COL16A1: variants seen among roughly 807,000 people sequenced by gnomAD.
COL16A1 encodes collagen alpha-1(XVI) chain.
In COL16A1, 189 loss-of-function variants were observed where a neutral mutation model predicts 266.3. That is an observed-to-expected ratio of 0.71 (90% confidence interval 0.63 to 0.80). COL16A1 has a LOEUF of 0.80. Among genes scored for constraint, COL16A1 ranks in the 30% least tolerant of loss-of-function variants. COL16A1 has a pLI of 0.00. For missense variants in COL16A1, 1,928 were observed against 2,122.4 expected, an observed-to-expected ratio of 0.91 and a Z score of 1.80; for synonymous variants, 740 against 782.3, an observed-to-expected ratio of 0.95 and a Z score of 0.90.
chr1:31,685,763 G>A lies in COL16A1; in HGVS notation c.1892C>T (p.Pro631Leu). The A allele has an allele frequency of 6.2e-7, 1 of 1,613,776 alleles. No homozygotes were observed. The highest frequency in any genetic ancestry group is 8.5e-7 in the Non-Finnish European group (1 of 1,179,938). ...PAGIKGAKGE[P>L]CEPCPALSNL... ...GGACAGGGCTGGGCACGGCTCACAG[G>A]GCTCCCCCTGCCAAGCAAGGACATT... The change falls in exon 29 of 71, where the codon CCC (proline) becomes CTC (leucine). Residue 631 changes from proline to leucine, a missense_variant. Coordinates refer to ENST00000373672, the MANE Select transcript of COL16A1 (RefSeq NM_001856.4). The surrounding 1 kb of genome is among the most constrained non-coding windows in gnomAD (Gnocchi z 4.0).
chr1:31,691,177 C>A lies in COL16A1; in HGVS notation c.1437+11G>T, dbSNP rs752346163. On this transcript the variant is annotated intron_variant, in intron 20 of 70. Transcript: ENST00000373672. ...AGCTCCCCACGTGACCACACTCCCA[C>A]CTATGCTCACCTTGTCTCCCTTGGG... 2 of 1,613,470 alleles carry A rather than the reference C, an allele frequency of 1.2e-6. No homozygotes were observed. The highest frequency in any genetic ancestry group is 2.7e-5 in the African/African-American group (2 of 74,938).
At position 31,683,947 on chromosome 1, in the gene COL16A1, T is replaced by C. The variant is rs1643840732; in HGVS notation, c.2337+3A>G. ...GGCCCAGGGCCCCAAGACTCACACA[T>C]ACCTGCACGCCCTTCAGTCCTGGGG... On this transcript the variant is annotated splice_donor_region_variant and intron_variant, in intron 33 of 70. Transcript: ENST00000373672. The C allele has an allele frequency of 6.2e-7, 1 of 1,614,032 alleles. No individual in the cohort carries two copies.
chr1:31,661,046 T>C lies in COL16A1; in HGVS notation c.3825+20A>G, dbSNP rs776080276. On this transcript the variant is annotated intron_variant, in intron 61 of 70. Coordinates refer to ENST00000373672, the MANE Select transcript of COL16A1 (RefSeq NM_001856.4). ...TCTGAAGGCAAACTGAAGGCAGCCA[T>C]GTGGATCCCTGGCCCTCACCTCTGC... 18 of 1,555,170 alleles carry C rather than the reference T, an allele frequency of 1.2e-5. No individual in the cohort carries two copies. Among genetic ancestry groups the C allele is most frequent in the Non-Finnish European group, 1.6e-5 (18 of 1,149,022 alleles).
In COL16A1 at chr1:31,698,451, T is replaced by C; in HGVS notation, c.390+32A>G. On this transcript the variant is annotated intron_variant, in intron 5 of 70. Transcript: ENST00000373672. The surrounding 1 kb of genome is among the most constrained non-coding windows in gnomAD (Gnocchi z 4.1). Reference sequence around the variant, plus strand: ...GCTGGACTGGTGCTACCCAATGCCCTAAGAGGCAATCAGGGCACAGGGGAG... The same window carrying C: ...GCTGGACTGGTGCTACCCAATGCCCCAAGAGGCAATCAGGGCACAGGGGAG... 6.2e-7 allele frequency: 1 copy of C among 1,613,340 alleles called. No homozygotes were observed. The highest frequency in any genetic ancestry group is 8.5e-7 in the Non-Finnish European group (1 of 1,179,604).
rs771138590 is a variant in COL16A1, at chr1:31,661,703, C to T, written c.3683G>A (p.Gly1228Glu). The T allele has an allele frequency of 2.5e-6, 4 of 1,596,424 alleles. No homozygotes were observed. The highest frequency in any genetic ancestry group is 3.7e-5 in the Admixed American group (2 of 53,342). The change falls in exon 59 of 71, where the codon GGG becomes GAG. Residue 1228 changes from glycine (G) to glutamate (E), a missense_variant and splice_region_variant. Coordinates refer to ENST00000373672, the MANE Select transcript of COL16A1 (RefSeq NM_001856.4). ...DGKDGKPGLR[G>E]DPGPAGPPGL... is the part of the protein sequence containing the mutation. ...AGGGGGGCCAGCAGGACCAGGGTCC[C>T]CCTAGGGAAAGAGACGAGGAGGATT...
rs1472028184 is a variant in COL16A1, at chr1:31,657,945, G to A, written c.4020+543C>T. ...ACCTGCCTAACCTTGCGGAGCCCCCGTTTCCTCATCTGTAAAATGGGGACA... is the reference window on the plus strand; with the variant it reads ...ACCTGCCTAACCTTGCGGAGCCCCCATTTCCTCATCTGTAAAATGGGGACA... On this transcript the variant is annotated intron_variant, in intron 64 of 70. Coordinates refer to ENST00000373672, the MANE Select transcript of COL16A1 (RefSeq NM_001856.4). This position sits in a 1 kb window ranked among gnomAD's most constrained non-coding sequence, Gnocchi z 6.4. Among the ~76,000 whole-genome samples, 4 of 152,160 alleles carry A rather than the reference G, an allele frequency of 2.6e-5. No homozygotes were observed. Among genetic ancestry groups the A allele is most frequent in the Admixed American group, 1.3e-4 (2 of 15,288 alleles).
At chr1:31,684,887 A>G in intron 29 of COL16A1, 31 bp from the exon 30 acceptor site, 3 of 1,612,696 alleles carry the variant, frequency 1.9e-6, no homozygotes, top group South Asian at 1.1e-5. Flanking sequence ...GCACCCGCTC[A>G]CTCATACCAG....
Position 31,693,081 on chromosome 1 carries a change from G to A in COL16A1, c.1071+11C>T. The A allele has an allele frequency of 6.3e-7, 1 of 1,585,926 alleles. No homozygotes were observed. Among genetic ancestry groups the A allele is most frequent in the Non-Finnish European group, 8.7e-7 (1 of 1,155,230 alleles). On this transcript the variant is annotated intron_variant, in intron 13 of 70. Coordinates refer to ENST00000373672, the MANE Select transcript of COL16A1 (RefSeq NM_001856.4). ...CAAAGGTCCTGCCACGGGCAGGGCT[G>A]GGACACTTACCCGTGCTCCCTTCTC...
chr1:31,690,248 TG>T, intron 22 of COL16A1, 118 bp downstream of exon 22: 1 of 1,475,894 alleles, frequency 6.8e-7, no homozygotes, highest in Non-Finnish European at 9.2e-7. Flanking sequence ...GAAGAACGGG[TG>T]GGGGTCCCCT....
At chr1:31,654,187 G>T in intron 68 of COL16A1, 144 bp from the exon 69 acceptor site, 1 of 1,261,390 alleles carries the variant, frequency 7.9e-7, no homozygotes, top group South Asian at 1.6e-5. Context: ...GTATGGGGGT[G>T]GGTCTCGCAA....
rs1643602341 is a variant in COL16A1, at chr1:31,681,056, C to G, written c.2550G>C (p.Gly850=). The G allele has an allele frequency of 6.2e-7, 1 of 1,612,656 alleles. No individual in the cohort carries two copies. Among genetic ancestry groups the G allele is most frequent in the Admixed American group, 1.7e-5 (1 of 59,920 alleles). ...CTCTGAGTCCCGTCTGTCCTTGCTG[C>G]CCATCACGGCCCTGAAGAGAGAGAG... ...ASVSGPPGRD[G]QQGQTGLRGT... is the part of the protein sequence containing the mutation. Residue 850 remains glycine, a synonymous_variant, in exon 38 of 71, where the codon GGG becomes GGC. Transcript: ENST00000373672.
intron 11 of COL16A1, among the ~76,000 whole-genome samples, chr1:31,694,795 C>A (rs1229144501): frequency 3.9e-5 from 6 of 152,210 alleles, no homozygotes; most frequent in African/African-American, 1.4e-4. Flanking sequence ...GCTGTGGGAG[C>A]CCTTGCCGTG....
Position 31,657,062 on chromosome 1 carries a change from G to A in COL16A1, c.4027C>T (p.Pro1343Ser), listed in dbSNP as rs376872014. 8.8e-5 allele frequency: 142 copies of A among 1,613,982 alleles called. No individual in the cohort carries two copies. Among genetic ancestry groups the A allele is most frequent in the Non-Finnish European group, 1.2e-4 (139 of 1,180,018 alleles). Reference sequence around the variant, plus strand: ...TTGCCAGCTGCACCATCCGTACCAGGTTCGCCCTGGGGAGTAGAGAGCAAT... The same window carrying A: ...TTGCCAGCTGCACCATCCGTACCAGATTCGCCCTGGGGAGTAGAGAGCAAT... Reference protein sequence around the residue: ...PPGHPGPPGEPGTDGAAGKEG... With the variant: ...PPGHPGPPGESGTDGAAGKEG... Residue 1343 changes from proline (P) to serine (S), a missense_variant, in exon 65 of 71, where the codon CCT becomes TCT. Physicochemically the swap from Pro to Ser is moderately conservative, Grantham distance 74. This residue lies in a region of COL16A1 where 376 missense variants were observed against 485.2 expected (regional missense o/e 0.77). Transcript: ENST00000373672. The surrounding 1 kb of genome is among the most constrained non-coding windows in gnomAD (Gnocchi z 6.4).
chr1:31,659,097 G>T, intron 62 of COL16A1, 133 bp from the exon 63 acceptor site: 1 of 825,016 alleles, frequency 1.2e-6, no homozygotes, highest in Non-Finnish European at 2.0e-6. Context: ...CCTTCGCTCT[G>T]GTCTTGCACT....
At chr1:31,684,794 C>T (rs772620068) in intron 30 of COL16A1, 27 bp downstream of exon 30, 10 of 1,614,062 alleles carry the variant, frequency 6.2e-6, no homozygotes, top group South Asian at 1.1e-5. Flanking sequence ...GCCATGCCCA[C>T]CCCCGTGCCC....
Position 31,656,952 on chromosome 1 carries a change from GA to G in COL16A1, c.4056+80del. ...CCCGTACATAGAAGGAATGTTTACT[GA>G]AAAAAATGAAGAGGGGTCAGGGCAA... On this transcript the variant is annotated intron_variant, in intron 65 of 70. Coordinates refer to ENST00000373672, the MANE Select transcript of COL16A1 (RefSeq NM_001856.4). The surrounding 1 kb of genome is among the most constrained non-coding windows in gnomAD (Gnocchi z 4.2). 1 of 1,587,874 alleles carries G rather than the reference GA, an allele frequency of 6.3e-7. No homozygotes were observed. Among genetic ancestry groups the G allele is most frequent in the Non-Finnish European group, 8.6e-7 (1 of 1,156,946 alleles).
rs189027216 is a variant in COL16A1, at chr1:31,667,769, G to A, written c.3304-141C>T. On this transcript the variant is annotated intron_variant, in intron 51 of 70. Transcript: ENST00000373672. ...TGGGAGGACCGCTGGGTGCTCCAAA[G>A]CTGCCGTGCCTCCCATCTGCCACCG... 4.1e-4 allele frequency: 342 copies of A among 843,948 alleles called. No individual in the cohort carries two copies. The African/African-American group carries it at 5.4e-3, about 13-fold the overall frequency. The allele number at this position is 843,948 out of a possible 1,614,324, so 52.3% of individuals were successfully genotyped here.
At chr1:31,693,960 G>C (rs1264533562) in intron 12 of COL16A1, among the ~76,000 whole-genome samples, 184 bp downstream of exon 12, 1 of 152,216 alleles carries the variant, frequency 6.6e-6, no homozygotes, top group African/African-American at 2.4e-5. Flanking sequence ...GAAAAGGGCA[G>C]CTCTTAGCAT....
chr1:31,697,252 C>G lies in COL16A1; in HGVS notation c.706G>C (p.Glu236Gln). The G allele has an allele frequency of 6.2e-7, 1 of 1,613,044 alleles. No homozygotes were observed. ...HIYCDPELVLEEGCCEILPAG... is the reference protein window; with the variant it reads ...HIYCDPELVLQEGCCEILPAG... ...GGTAAAATCTCACAGCAGCCCTCCT[C>G]CAGCACGAGCTCCGGGTCACAGTAG... The change falls in exon 7 of 71, where the codon GAG becomes CAG. Residue 236 changes from glutamate to glutamine, a missense_variant. Around this residue, in one of 2 missense-constraint regions of COL16A1, gnomAD observed 1,552 missense variants for 1,637.2 expected, o/e 0.95. Coordinates refer to ENST00000373672, the MANE Select transcript of COL16A1 (RefSeq NM_001856.4). The surrounding 1 kb of genome is among the most constrained non-coding windows in gnomAD (Gnocchi z 4.2).
Sources: gnomAD v4.1 joint callset for allele counts (sites outside exome capture counted in the v4.1 genomes callset) on GRCh38, gnomAD v4.1.1 for gene constraint, gnomAD v4.1.1 regional missense constraint, Gnocchi (gnomAD v3.1) non-coding constraint, MANE v1.5 for transcripts, NCBI Gene and HGNC (gene_info 2026-07-23, HGNC 2026-07-21) for gene names.